Variants in OPRM1 observed in about 807,000 individuals in gnomAD.
OPRM1 encodes the protein opioid receptor mu 1, also known as mu-type opioid receptor.
OPRM1 carries 27 observed loss-of-function variants against 31.8 expected under a neutral mutation model. That is an observed-to-expected ratio of 0.85 (90% CI 0.63 to 1.17). The LOEUF is 1.17. OPRM1 is among the 50% of genes most tolerant of loss of function. The pLI, the probability that OPRM1 is intolerant of heterozygous loss-of-function variation, is 0.00. For missense variants in OPRM1, 536 were observed against 511.1 expected (o/e 1.05, Z -0.47); for synonymous variants, 196 against 189.9 (o/e 1.03, Z -0.26).
rs928158431 is a variant in OPRM1, at chr6:154,125,618, T to C, written c.*6897T>C. Among the ~76,000 whole-genome samples, 1 of 152,190 alleles carries C rather than the reference T, an allele frequency of 6.6e-6. No individual in the cohort carries two copies. The highest frequency in any genetic ancestry group is 2.4e-5 in the African/African-American group (1 of 41,450). ...GCAAAAAAAACCTTCCAGAGAAAGGTGGTTTCCAATATTACCTACAACTTC... is the reference window on the plus strand; with the variant it reads ...GCAAAAAAAACCTTCCAGAGAAAGGCGGTTTCCAATATTACCTACAACTTC... On this transcript the variant is annotated 3_prime_UTR_variant, in exon 4 of 4. Transcript: ENST00000330432.
At position 154,021,279 on chromosome 6, in the gene OPRM1, T is replaced by A. The variant is rs576766420; in HGVS notation, c.-1+10261T>A. On this transcript the variant is annotated intron_variant, in intron 1 of 5. Transcript: ENST00000434900. ...AATCAGTTGATAGTATTTATATGGA[T>A]CTATACCTGTGCTCTCTGTTCTGTT... Among the ~76,000 whole-genome samples, 21 of 152,340 alleles carry A rather than the reference T, an allele frequency of 1.4e-4. No homozygotes were observed. In the South Asian group the frequency reaches 2.9e-3, roughly 21 times the overall value.
At chr6:154,022,540 A>T (rs1055216567) in intron 1 of OPRM1, among the ~76,000 whole-genome samples, 9 of 143,870 alleles carry the variant, frequency 6.3e-5, no homozygotes, top group African/African-American at 2.6e-4. Context: ...TTTTGCTGTG[A>T]GGAACCTTTT....
intron 3 of OPRM1, among the ~76,000 whole-genome samples, chr6:154,142,113 AC>A (rs199893434): frequency 0.053 from 2,927 of 54,956 alleles, 36 homozygotes; most frequent in Middle Eastern, 0.074. Context: ...GTCCCCTCCA[AC>A]CTCTGGCCGT....
intron 3 of OPRM1, among the ~76,000 whole-genome samples, chr6:154,110,908 A>AAAG (rs1554278290): frequency 1.8e-5 from 2 of 110,612 alleles, no homozygotes; most frequent in South Asian, 2.7e-4. Flanking sequence ...AAAAAAAAAA[A>AAAG]AGAGAGAATT....
chr6:154,220,221 G>T (rs1778752829), intron 3 of OPRM1, among the ~76,000 whole-genome samples: 1 of 152,164 alleles, frequency 6.6e-6, no homozygotes, highest in Admixed American at 6.5e-5. Flanking sequence ...CTGCAATGGG[G>T]CATGTGGTAG....
At chr6:154,208,944 T>C (rs1301376979) in intron 3 of OPRM1, among the ~76,000 whole-genome samples, 2 of 152,218 alleles carry the variant, frequency 1.3e-5, no homozygotes, top group African/African-American at 2.4e-5. Context: ...TAAATGGATG[T>C]TCTTTCCACT....
intron 1 of OPRM1, among the ~76,000 whole-genome samples, chr6:154,084,340 T>C (rs1789963088): frequency 6.6e-6 from 1 of 152,160 alleles, no homozygotes. Context: ...TCTTTCTCCA[T>C]GTTAATGCCA....
intron 3 of OPRM1, chr6:154,214,377 A>T: frequency 1.2e-6 from 1 of 834,496 alleles, no homozygotes; most frequent in Non-Finnish European, 2.1e-6. Flanking sequence ...TGATTCTACC[A>T]TCAGTCTGCA....
intron 3 of OPRM1, among the ~76,000 whole-genome samples, chr6:154,201,578 G>A (rs1051512117): frequency 3.3e-5 from 5 of 152,150 alleles, no homozygotes; most frequent in South Asian, 2.1e-4. Context: ...TATGGGACAT[G>A]CCTGTCAACA....
chr6:154,020,535 A>G (rs1326274737), intron 1 of OPRM1, among the ~76,000 whole-genome samples: 1 of 152,242 alleles, frequency 6.6e-6, no homozygotes, highest in African/African-American at 2.4e-5. Flanking sequence ...ACATTTGTAA[A>G]GAAGGTTTGT....
At chr6:154,172,775 T>C (rs1365706561) in intron 3 of OPRM1, among the ~76,000 whole-genome samples, 1 of 152,234 alleles carries the variant, frequency 6.6e-6, no homozygotes, top group African/African-American at 2.4e-5. Context: ...CAGATTTAAG[T>C]GTCCTTGCCT....
intron 1 of OPRM1, among the ~76,000 whole-genome samples, chr6:154,072,966 A>G (rs527298423): frequency 5.7e-4 from 87 of 152,306 alleles, no homozygotes; most frequent in Non-Finnish European, 1.0e-3. Context: ...ATCTCAAAGA[A>G]AGAGAGAAAT....
intron 1 of OPRM1, among the ~76,000 whole-genome samples, chr6:154,029,839 A>C (rs1396955575): frequency 6.6e-6 from 1 of 152,028 alleles, no homozygotes; most frequent in African/African-American, 2.4e-5. Flanking sequence ...TTTGCTCTCC[A>C]CTTCTCCTTG....
chr6:154,229,656 G>A (rs60449578), intron 3 of OPRM1, among the ~76,000 whole-genome samples: 12,919 of 152,000 alleles, frequency 0.085, 988 homozygotes, highest in East Asian at 0.43. Context: ...GTGCCCAGCA[G>A]TTTGTCAGTT....
chr6:154,244,148 A>T (rs1315768977), intron 3 of OPRM1, among the ~76,000 whole-genome samples: 9 of 152,210 alleles, frequency 5.9e-5, no homozygotes, highest in Admixed American at 5.9e-4. Flanking sequence ...GAAGTAAATA[A>T]AGCTTCTTGG....
chr6:154,093,799 C>A (rs1397158452), intron 3 of OPRM1, among the ~76,000 whole-genome samples: 1 of 152,190 alleles, frequency 6.6e-6, no homozygotes, highest in African/African-American at 2.4e-5. Flanking sequence ...AATCAAAGCT[C>A]CCTTTGGCTA....
intron 1 of OPRM1, among the ~76,000 whole-genome samples, chr6:154,077,736 ATAATTAAT>A (rs780500002): frequency 3.3e-5 from 5 of 151,968 alleles, no homozygotes; most frequent in African/African-American, 7.2e-5. Context: ...ATCTAAAAAA[ATAATTAAT>A]TAATTAATTA....
chr6:154,155,622 C>G (rs1798681392), intron 3 of OPRM1: 1 of 151,922 alleles, frequency 6.6e-6, no homozygotes, highest in Admixed American at 6.6e-5. Context: ...CATGGTAAAC[C>G]CCGGTCTCTA....
chr6:154,109,601 C>T (rs976323587), intron 3 of OPRM1, among the ~76,000 whole-genome samples: 1 of 152,148 alleles, frequency 6.6e-6, no homozygotes, highest in Admixed American at 6.5e-5. Flanking sequence ...TTCACACGCT[C>T]TACCAGCTTC....
Sources: gnomAD v4.1 joint callset for allele counts (sites outside exome capture counted in the v4.1 genomes callset) on GRCh38, gnomAD v4.1.1 for gene constraint, MANE v1.5 for transcripts, NCBI Gene and HGNC (gene_info 2026-07-23, HGNC 2026-07-21) for gene names.